The following ACVR1C variants were observed in gnomAD, a reference collection of about 807,000 sequenced individuals.
ACVR1C encodes activin receptor type-1C.
Under a neutral mutation model 57.9 loss-of-function variants are expected in ACVR1C, and 23 were observed. The ratio of observed to expected loss-of-function variants is 0.40; its 90% CI spans 0.29 to 0.56. ACVR1C has a LOEUF of 0.56. Among genes scored for constraint, ACVR1C ranks in the 20% least tolerant of loss-of-function variants. The probability of loss-of-function intolerance (pLI) is 0.50; values close to 1 mark genes in which losing one functional copy is unlikely to be tolerated. For missense variants in ACVR1C, 480 were observed against 607.9 expected (o/e 0.79, Z 2.21); for synonymous variants, 214 against 215.3 (o/e 0.99, Z 0.05).
In ACVR1C at chr2:157,550,203, C is replaced by T. The variant is rs1336118698; in HGVS notation, c.734G>A (p.Arg245Gln). 4.3e-6 allele frequency: 7 copies of T among 1,613,950 alleles called. No individual in the cohort carries two copies. The highest frequency in any genetic ancestry group is 2.2e-5 in the South Asian group (2 of 91,082). Reference protein sequence around the residue: ...EAEIYQTVMLRHENILGFIAA... With the variant: ...EAEIYQTVMLQHENILGFIAA... Reference sequence around the variant, plus strand: ...AATGAAACCAAGGATGTTTTCATGTCGCAGCATGACCGTCTGGTAAATTTC... The same window carrying T: ...AATGAAACCAAGGATGTTTTCATGTTGCAGCATGACCGTCTGGTAAATTTC... Residue 245 changes from arginine to glutamine, a missense_variant, in exon 4 of 9, where the codon CGA (arginine) becomes CAA (glutamine). Coordinates refer to ENST00000243349, the MANE Select transcript of ACVR1C (RefSeq NM_145259.3).
chr2:157,591,578 G>T (rs188096521), intron 1 of ACVR1C, among the ~76,000 whole-genome samples: 56 of 152,074 alleles, frequency 3.7e-4, no homozygotes, highest in African/African-American at 1.3e-3. Context: ...CATATTTTAA[G>T]GGGCTAAAGG....
chr2:157,546,387 C>T (rs1231617964), intron 4 of ACVR1C, among the ~76,000 whole-genome samples: 2 of 152,204 alleles, frequency 1.3e-5, no homozygotes, highest in Admixed American at 1.3e-4. Flanking sequence ...CATCAGTAAA[C>T]ATAATTATGG....
intron 1 of ACVR1C, among the ~76,000 whole-genome samples, chr2:157,627,652 A>C (rs1682925995): frequency 6.6e-6 from 1 of 152,244 alleles, no homozygotes; most frequent in Non-Finnish European, 1.5e-5. Context: ...AGCTTCGGAC[A>C]AAACACAGCT....
At chr2:157,575,200 C>G (rs183008562) in intron 2 of ACVR1C, among the ~76,000 whole-genome samples, 38 of 146,586 alleles carry the variant, frequency 2.6e-4, no homozygotes, top group Non-Finnish European at 3.5e-4. Context: ...GCGATCTCGC[C>G]TTACTACAAC....
chr2:157,592,662 T>C (rs1689073847), intron 1 of ACVR1C, among the ~76,000 whole-genome samples: 1 of 152,084 alleles, frequency 6.6e-6, no homozygotes. Context: ...GTCCACTATA[T>C]CACTGCATTT....
At chr2:157,536,413 A>G (rs943104290) in intron 8 of ACVR1C, among the ~76,000 whole-genome samples, 1 of 152,188 alleles carries the variant, frequency 6.6e-6, no homozygotes, top group African/African-American at 2.4e-5. Flanking sequence ...AAGTAGTCAT[A>G]AAGAAAAGAT....
chr2:157,551,614 T>C (rs1053183998), intron 3 of ACVR1C, among the ~76,000 whole-genome samples: 3 of 152,224 alleles, frequency 2.0e-5, no homozygotes, highest in Admixed American at 6.5e-5. Flanking sequence ...GTTATGATAG[T>C]CTTCTTTCTA....
chr2:157,562,137 A>G (rs1288274624), intron 2 of ACVR1C, among the ~76,000 whole-genome samples: 1 of 151,980 alleles, frequency 6.6e-6, no homozygotes, highest in Non-Finnish European at 1.5e-5. Context: ...TCTACGAAAA[A>G]TACAAAAAAT....
chr2:157,540,651 C>G (rs1012307148), intron 7 of ACVR1C, among the ~76,000 whole-genome samples: 1 of 152,048 alleles, frequency 6.6e-6, no homozygotes, highest in Admixed American at 6.6e-5. Context: ...TTGTCTTTGC[C>G]CACCTCTTCC....
In ACVR1C at chr2:157,559,064, A is replaced by T. The variant is rs137948510; in HGVS notation, c.305-2732T>A. The stretch of plus-strand genomic sequence containing the variant: ...AACATTAGCATTAACAAGCTTATTG[A>T]TCGTCATCATTTTTGTAAAGCTCTA... On this transcript the variant is annotated intron_variant, in intron 2 of 8. Coordinates refer to ENST00000243349, the MANE Select transcript of ACVR1C (RefSeq NM_145259.3). Among the ~76,000 whole-genome samples, 27 of 152,320 alleles carry T rather than the reference A, an allele frequency of 1.8e-4. 1 individual carries two copies. The East Asian group carries it at 5.0e-3, about 28-fold the overall frequency.
intron 2 of ACVR1C, among the ~76,000 whole-genome samples, chr2:157,572,564 TA>T (rs749112386): frequency 6.6e-6 from 1 of 152,128 alleles, no homozygotes; most frequent in Non-Finnish European, 1.5e-5. Context: ...AGTAAAAATG[TA>T]ATGGTATTTA....
chr2:157,619,421 G>A (rs1006994639), intron 1 of ACVR1C, among the ~76,000 whole-genome samples: 17 of 151,932 alleles, frequency 1.1e-4, no homozygotes, highest in African/African-American at 3.9e-4. Flanking sequence ...GGGAAACTTA[G>A]AAGTTAAATA....
At chr2:157,544,378 T>G in intron 5 of ACVR1C, 67 bp downstream of exon 5, 1 of 1,421,602 alleles carries the variant, frequency 7.0e-7, no homozygotes, top group Non-Finnish European at 9.4e-7. Flanking sequence ...CCTAATAAAT[T>G]AAAATATAAC....
chr2:157,554,283 G>GAA (rs1553481404), intron 3 of ACVR1C, among the ~76,000 whole-genome samples: 67 of 109,860 alleles, frequency 6.1e-4, no homozygotes, highest in Middle Eastern at 4.7e-3. Flanking sequence ...AAGGAAGGAA[G>GAA]AGAGAGAGAG....
chr2:157,544,052 T>G (rs1687682498), intron 5 of ACVR1C, among the ~76,000 whole-genome samples: 1 of 148,352 alleles, frequency 6.7e-6, no homozygotes, highest in Non-Finnish European at 1.5e-5. Flanking sequence ...TTTTTTTTTT[T>G]TTTTGAGACA....
At position 157,628,821 on chromosome 2, in the gene ACVR1C, T is replaced by G; in HGVS notation, c.-177A>C. On this transcript the variant is annotated 5_prime_UTR_variant, in exon 1 of 9. An upstream start codon of the reference 5' UTR is lost. Coordinates refer to ENST00000243349, the MANE Select transcript of ACVR1C (RefSeq NM_145259.3). ...GCGCCCCCCTCCCCGGCCGCCCCCATCCCACGCCCCCTGCGGCTGGCGGTG... is the reference window on the plus strand; with the variant it reads ...GCGCCCCCCTCCCCGGCCGCCCCCAGCCCACGCCCCCTGCGGCTGGCGGTG... 7.5e-6 allele frequency: 3 copies of G among 398,384 alleles called. No individual in the cohort carries two copies. The highest frequency in any genetic ancestry group is 9.0e-5 in the South Asian group (1 of 11,160). 24.7% of individuals were successfully genotyped at this position (398,384 alleles called of 1,614,324 possible).
chr2:157,598,278 T>C (rs1045489245), intron 1 of ACVR1C, among the ~76,000 whole-genome samples: 3 of 151,248 alleles, frequency 2.0e-5, no homozygotes, highest in African/African-American at 4.8e-5. Flanking sequence ...CATTTCATAC[T>C]GTATACATAT....
At chr2:157,582,362 A>G (rs1352926557) in intron 2 of ACVR1C, among the ~76,000 whole-genome samples, 2 of 152,184 alleles carry the variant, frequency 1.3e-5, no homozygotes, top group African/African-American at 2.4e-5. Flanking sequence ...TCTTGTAGAC[A>G]TTAATTAGTG....
chr2:157,610,300 G>T (rs1322401361), intron 1 of ACVR1C, among the ~76,000 whole-genome samples: 3 of 151,994 alleles, frequency 2.0e-5, no homozygotes, highest in East Asian at 1.9e-4. Context: ...ATTGATGAAG[G>T]ATATTCTCAC....
Sources: gnomAD v4.1 joint callset for allele counts (sites outside exome capture counted in the v4.1 genomes callset) on GRCh38, gnomAD v4.1.1 for gene constraint, MANE v1.5 for transcripts, NCBI Gene and HGNC (gene_info 2026-07-23, HGNC 2026-07-21) for gene names.